Variants in PIK3C2G observed in about 807,000 individuals in gnomAD.
PIK3C2G encodes the protein phosphatidylinositol 3-kinase C2 domain-containing subunit gamma.
Under a neutral mutation model 181.1 loss-of-function variants are expected in PIK3C2G, and 168 were observed. The observed-to-expected ratio is 0.93, with a 90% CI of 0.82 to 1.05. The LOEUF (loss-of-function observed/expected upper bound fraction) is 1.05, where lower values mean the gene tolerates loss of function less well. PIK3C2G is among the 50% of genes least tolerant of loss of function. The pLI, the probability that PIK3C2G is intolerant of heterozygous loss-of-function variation, is 0.00. For synonymous variants in PIK3C2G, 573 were observed against 592.2 expected, an observed-to-expected ratio of 0.97 and a Z score of 0.47; for missense variants, 1,869 against 1,732.8, an observed-to-expected ratio of 1.08 and a Z score of -1.40.
At chr12:18,667,458 C>T in the PIK3C2G span, among the ~76,000 whole-genome samples, 1 of 152,142 alleles carries the variant, frequency 6.6e-6, no homozygotes, top group African/African-American at 2.4e-5. Context: ...TTTGACAACA[C>T]TAAGTACTAT....
intron 12 of PIK3C2G, among the ~76,000 whole-genome samples, chr12:18,365,747 A>ATATCAC (rs1470859116): frequency 6.6e-6 from 1 of 152,176 alleles, no homozygotes; most frequent in Non-Finnish European, 1.5e-5. Flanking sequence ...TCCCAAATTT[A>ATATCAC]TATCACTAAC....
intron 16 of PIK3C2G, among the ~76,000 whole-genome samples, chr12:18,409,340 T>G (rs1298105499): frequency 6.6e-6 from 1 of 152,004 alleles, no homozygotes; most frequent in East Asian, 1.9e-4. Context: ...AAGTGGGGGT[T>G]GAATAATGAG....
chr12:18,349,116 G>A (rs1403314048), intron 11 of PIK3C2G, among the ~76,000 whole-genome samples: 1 of 152,132 alleles, frequency 6.6e-6, no homozygotes, highest in Non-Finnish European at 1.5e-5. Flanking sequence ...GAACACCACA[G>A]ACAGAAGAGA....
At chr12:18,266,215 T>A (rs1948493145) in intron 1 of PIK3C2G, among the ~76,000 whole-genome samples, 1 of 152,088 alleles carries the variant, frequency 6.6e-6, no homozygotes, top group Non-Finnish European at 1.5e-5. Context: ...TATCACATTT[T>A]GATTCCTCTA....
Position 18,592,371 on chromosome 12 carries a change from T to G in PIK3C2G, c.4012-2123T>G, listed in dbSNP as rs560815474. Among the ~76,000 whole-genome samples, 99 of 151,870 alleles carry G rather than the reference T, an allele frequency of 6.5e-4. 1 individual carries two copies. Among genetic ancestry groups the G allele is most frequent in the African/African-American group, 2.4e-3 (98 of 41,488 alleles). ...GGGAAGACAGTCACTTGGGAGAACA[T>G]GTAATATAAAAGCAAAGACAAGACA... is the stretch of plus-strand genomic sequence containing the variant. On this transcript the variant is annotated intron_variant, in intron 29 of 32. Coordinates refer to ENST00000538779, the MANE Select transcript of PIK3C2G (RefSeq NM_001288772.2).
At chr12:18,303,311 T>C (rs1473482879) in intron 5 of PIK3C2G, among the ~76,000 whole-genome samples, 2 of 149,806 alleles carry the variant, frequency 1.3e-5, no homozygotes. Context: ...CTTTCCTTTC[T>C]TTCCTTTCTC....
intron 30 of PIK3C2G, among the ~76,000 whole-genome samples, chr12:18,599,824 G>A (rs1356391420): frequency 6.6e-6 from 1 of 151,748 alleles, no homozygotes; most frequent in African/African-American, 2.4e-5. Context: ...AAGAAAAAGA[G>A]GAATTTAGGC....
At chr12:18,449,833 G>C (rs539207003) in intron 18 of PIK3C2G, among the ~76,000 whole-genome samples, 10 of 151,858 alleles carry the variant, frequency 6.6e-5, no homozygotes, top group Non-Finnish European at 1.5e-4. Flanking sequence ...TGGTATTTCT[G>C]GTCCTATATC....
At chr12:18,715,408 T>C in the PIK3C2G span, among the ~76,000 whole-genome samples, 1 of 151,622 alleles carries the variant, frequency 6.6e-6, no homozygotes, top group Non-Finnish European at 1.5e-5. Flanking sequence ...GGTTTTTTTT[T>C]TGTTTTTTTT....
intron 1 of PIK3C2G, among the ~76,000 whole-genome samples, chr12:18,264,110 T>C (rs1407610023): frequency 1.3e-5 from 2 of 152,324 alleles, no homozygotes; most frequent in East Asian, 3.9e-4. Flanking sequence ...ATATACCCTC[T>C]ATTATCTGAA....
chr12:18,464,853 A>G (rs1016738121), intron 18 of PIK3C2G, among the ~76,000 whole-genome samples: 1 of 152,002 alleles, frequency 6.6e-6, no homozygotes, highest in African/African-American at 2.4e-5. Context: ...TTTGGATGCC[A>G]TGAATATTTA....
chr12:18,578,594 T>C (rs528229939), intron 29 of PIK3C2G, among the ~76,000 whole-genome samples: 44 of 152,308 alleles, frequency 2.9e-4, no homozygotes, highest in African/African-American at 1.1e-3. Context: ...AATTTTAAGA[T>C]TAAATGAAAC....
chr12:18,534,728 G>C (rs1246706927), intron 24 of PIK3C2G, among the ~76,000 whole-genome samples: 1 of 151,452 alleles, frequency 6.6e-6, no homozygotes, highest in East Asian at 1.9e-4. Flanking sequence ...GACAAGGTTT[G>C]GGTTAATTGG....
At chr12:18,700,812 A>G in the PIK3C2G span, among the ~76,000 whole-genome samples, 1 of 152,020 alleles carries the variant, frequency 6.6e-6, no homozygotes. Context: ...AACCTAATAT[A>G]CTTTCTTTCA....
At chr12:18,244,331 T>C (rs1236965658), upstream of PIK3C2G, among the ~76,000 whole-genome samples, 1 of 152,040 alleles carries the variant, frequency 6.6e-6, no homozygotes, top group Non-Finnish European at 1.5e-5. Context: ...GTGAGCTCTA[T>C]TCAAACCATT....
chr12:18,455,827 G>T (rs1178085491), intron 18 of PIK3C2G, among the ~76,000 whole-genome samples: 1 of 152,122 alleles, frequency 6.6e-6, no homozygotes, highest in Non-Finnish European at 1.5e-5. Flanking sequence ...CACATTAGTG[G>T]TTAGGATTTC....
At chr12:18,591,608 A>G (rs1947084525) in intron 29 of PIK3C2G, among the ~76,000 whole-genome samples, 1 of 151,952 alleles carries the variant, frequency 6.6e-6, no homozygotes, top group Non-Finnish European at 1.5e-5. Context: ...TAAGCACCAG[A>G]TGAGAAAGGG....
intron 31 of PIK3C2G, among the ~76,000 whole-genome samples, chr12:18,612,040 G>A (rs1480634626): frequency 6.6e-6 from 1 of 152,066 alleles, no homozygotes; most frequent in African/African-American, 2.4e-5. Flanking sequence ...CAAGGTACTT[G>A]TTAATGACCT....
intron 29 of PIK3C2G, among the ~76,000 whole-genome samples, chr12:18,584,347 AATAG>A (rs1946667151): frequency 1.3e-5 from 2 of 152,092 alleles, no homozygotes; most frequent in South Asian, 4.1e-4. Flanking sequence ...TAAAAACCCT[AATAG>A]ATCTGATAAA....
Sources: gnomAD v4.1 joint callset for allele counts (sites outside exome capture counted in the v4.1 genomes callset) on GRCh38, gnomAD v4.1.1 for gene constraint, MANE v1.5 for transcripts, NCBI Gene and HGNC (gene_info 2026-07-23, HGNC 2026-07-21) for gene names.